Variants in GRHL2 observed in about 807,000 individuals in gnomAD.
The protein encoded by GRHL2 is grainyhead like transcription factor 2, also known as grainyhead-like protein 2 homolog.
A neutral mutation model predicts 83.8 loss-of-function variants in GRHL2; 21 were observed. That is an observed-to-expected ratio of 0.25 (90% CI 0.18 to 0.36). The LOEUF (loss-of-function observed/expected upper bound fraction) is 0.36, where lower values mean the gene tolerates loss of function less well. Among genes scored for constraint, GRHL2 ranks in the 10% least tolerant of loss-of-function variants. The pLI, the probability that GRHL2 is intolerant of heterozygous loss-of-function variation, is 1.00. For synonymous variants in GRHL2, 280 were observed against 278.9 expected, an observed-to-expected ratio of 1.00 and a Z score of -0.04; for missense variants, 623 against 781.8, an observed-to-expected ratio of 0.80 and a Z score of 2.42.
intron 3 of GRHL2, 148 bp downstream of exon 3, chr8:101,552,930 T>G (rs1280873064): frequency 1.3e-6 from 1 of 791,964 alleles, no homozygotes; most frequent in Non-Finnish European, 2.1e-6. Flanking sequence ...ATGCTAGATC[T>G]CTCAATGAGG....
chr8:101,536,568 C>T (rs771247606), intron 1 of GRHL2, among the ~76,000 whole-genome samples: 1 of 152,138 alleles, frequency 6.6e-6, no homozygotes, highest in Non-Finnish European at 1.5e-5. Flanking sequence ...ACTAAGTAAT[C>T]CAGGGTAACA....
the GRHL2 span, among the ~76,000 whole-genome samples, chr8:101,675,824 A>G: frequency 1.4e-4 from 21 of 152,190 alleles, no homozygotes; most frequent in Non-Finnish European, 2.5e-4. Context: ...ACAAGGCTAC[A>G]GTAACCAAAA....
intron 1 of GRHL2, among the ~76,000 whole-genome samples, chr8:101,495,719 G>A (rs1228414308): frequency 1.3e-5 from 2 of 152,174 alleles, no homozygotes; most frequent in African/African-American, 4.8e-5. Flanking sequence ...AGAGGCATGC[G>A]AAGATGGATA....
intron 9 of GRHL2, among the ~76,000 whole-genome samples, chr8:101,623,915 ACACAGTAGAACAGGT>A (rs1813018521): frequency 6.6e-6 from 1 of 151,654 alleles, no homozygotes; most frequent in African/African-American, 2.4e-5. Flanking sequence ...GTAGGACAGT[ACACAGTAGAACAGGT>A]CACAGTACAC....
At chr8:101,673,352 G>A (rs1353913823), downstream of GRHL2, among the ~76,000 whole-genome samples, 1 of 152,048 alleles carries the variant, frequency 6.6e-6, no homozygotes, top group East Asian at 1.9e-4. Flanking sequence ...AAGGGATGGA[G>A]GAAGATCTAC....
At chr8:101,541,778 G>T (rs1379326008) in intron 1 of GRHL2, among the ~76,000 whole-genome samples, 1 of 152,092 alleles carries the variant, frequency 6.6e-6, no homozygotes, top group African/African-American at 2.4e-5. Flanking sequence ...GACTGTCATG[G>T]TCTTTGGGTA....
At chr8:101,561,914 CT>C (rs1395418515) in intron 4 of GRHL2, 25 of 492,764 alleles carry the variant, frequency 5.1e-5, no homozygotes, top group Non-Finnish European at 8.2e-5. Context: ...TTTAAGTGAC[CT>C]TATGTAAAAA....
chr8:101,655,503 T>C (rs1028796059), intron 14 of GRHL2, among the ~76,000 whole-genome samples: 2 of 152,216 alleles, frequency 1.3e-5, no homozygotes, highest in African/African-American at 2.4e-5. Context: ...GTCACTTTTC[T>C]GGATTATTCT....
rs577143342 is a variant in GRHL2 at position 101,563,720 on chromosome 8, GT to G, written c.678+4917del. On this transcript the variant is annotated intron_variant, in intron 4 of 15. Transcript: ENST00000646743. ...TAGTTAGCAAACTTATTTTTTTTTTGTTTTTTTTTGTTTTTTTGTTTTTAAA... is the reference window on the plus strand; with the variant it reads ...TAGTTAGCAAACTTATTTTTTTTTTGTTTTTTTTGTTTTTTTGTTTTTAAA... Among the ~76,000 whole-genome samples the G allele has an allele frequency of 4.1e-4, 60 of 145,884 alleles. 1 individual carries two copies. Among genetic ancestry groups the G allele is most frequent in the Admixed American group, 1.3e-3 (19 of 14,714 alleles).
chr8:101,534,288 C>T (rs544085040), intron 1 of GRHL2, among the ~76,000 whole-genome samples: 7 of 152,190 alleles, frequency 4.6e-5, no homozygotes, highest in African/African-American at 1.7e-4. Context: ...TGATTCAAGA[C>T]TTGACTCAGA....
chr8:101,569,793 T>C (rs1048304321), intron 4 of GRHL2, among the ~76,000 whole-genome samples: 3 of 152,212 alleles, frequency 2.0e-5, no homozygotes, highest in Non-Finnish European at 2.9e-5. Flanking sequence ...TTTTAAAACT[T>C]ATTTAATTCT....
intron 15 of GRHL2, 24 bp downstream of exon 15, chr8:101,664,542 T>C: frequency 6.5e-7 from 1 of 1,545,916 alleles, no homozygotes; most frequent in Non-Finnish European, 8.9e-7. Context: ...TGAACTTAAA[T>C]TGACTTTCAA....
intron 4 of GRHL2, among the ~76,000 whole-genome samples, chr8:101,563,875 T>C (rs938865313): frequency 1.3e-5 from 2 of 152,158 alleles, no homozygotes; most frequent in South Asian, 2.1e-4. Flanking sequence ...AGGTACATGT[T>C]TTTTCACCAA....
intron 7 of GRHL2, among the ~76,000 whole-genome samples, chr8:101,581,073 A>G (rs966605229): frequency 6.6e-6 from 1 of 152,180 alleles, no homozygotes; most frequent in African/African-American, 2.4e-5. Flanking sequence ...GCCTCTAGCC[A>G]GTTCTTGGCA....
At chr8:101,670,243 T>G (rs367750623), downstream of GRHL2, among the ~76,000 whole-genome samples, 1 of 152,214 alleles carries the variant, frequency 6.6e-6, no homozygotes, top group Admixed American at 6.5e-5. Context: ...GGGGTTTCCT[T>G]GGTGGGTACC....
intron 14 of GRHL2, among the ~76,000 whole-genome samples, chr8:101,652,495 GTGGT>G (rs1441327439): frequency 0.068 from 3,151 of 46,524 alleles, 693 homozygotes; most frequent in African/African-American, 0.23. Context: ...GTGTATGTGT[GTGGT>G]GTGTGTGTGT....
intron 14 of GRHL2, among the ~76,000 whole-genome samples, chr8:101,652,940 C>G (rs1432922864): frequency 1.3e-5 from 2 of 152,144 alleles, no homozygotes; most frequent in South Asian, 4.1e-4. Context: ...TCCTTTTCTA[C>G]TGTCCAAAAG....
chr8:101,677,201 T>TAAA, the GRHL2 span, among the ~76,000 whole-genome samples: 1,008 of 126,300 alleles, frequency 8.0e-3, 12 homozygotes, highest in African/African-American at 0.03. Context: ...ACCCTAAAAC[T>TAAA]TAAATAATAA....
At chr8:101,661,518 G>GATT (rs1343482028) in intron 14 of GRHL2, among the ~76,000 whole-genome samples, 1 of 152,088 alleles carries the variant, frequency 6.6e-6, no homozygotes, top group Non-Finnish European at 1.5e-5. Flanking sequence ...ATAATCTCTA[G>GATT]ATTACTTATA....
Sources: allele counts gnomAD v4.1 joint callset (sites outside exome capture counted in the v4.1 genomes callset), GRCh38; gene constraint gnomAD v4.1.1; transcripts MANE v1.5; gene names NCBI Gene and HGNC (gene_info 2026-07-23, HGNC 2026-07-21).